The following IL22RA1 variants were observed in gnomAD, a reference collection of about 807,000 sequenced individuals.
IL22RA1 encodes the protein interleukin-22 receptor subunit alpha-1.
A neutral mutation model predicts 32.8 loss-of-function variants in IL22RA1; 25 were observed. That is an observed-to-expected ratio of 0.76 (90% CI 0.55 to 1.06). IL22RA1 has a LOEUF of 1.06. Among genes scored for constraint, IL22RA1 ranks in the 50% least tolerant of loss-of-function variants. The pLI is 0.00. For missense variants in IL22RA1, 709 were observed against 727.4 expected (o/e 0.97, Z 0.29); for synonymous variants, 305 against 305.0 (o/e 1.00, Z 0.00).
At chr1:24,126,761 C>G (rs1469747120) in intron 5 of IL22RA1, among the ~76,000 whole-genome samples, 1 of 152,164 alleles carries the variant, frequency 6.6e-6, no homozygotes, top group Non-Finnish European at 1.5e-5. Context: ...CTGAGCAATA[C>G]AACGTTTCCC....
intron 6 of IL22RA1, among the ~76,000 whole-genome samples, chr1:24,122,069 G>A (rs575218529): frequency 2.0e-5 from 3 of 152,136 alleles, no homozygotes; most frequent in African/African-American, 7.2e-5. Flanking sequence ...GTGGTGGCCC[G>A]CATTGTTGCT....
chr1:24,143,000 G>A, intron 1 of IL22RA1, 40 bp downstream of exon 1: 19 of 1,594,050 alleles, frequency 1.2e-5, no homozygotes, highest in Non-Finnish European at 1.5e-5. Flanking sequence ...TTGGCCCCTG[G>A]GATAAGGGAG....
chr1:24,125,555 T>C (rs1644155351), intron 5 of IL22RA1, among the ~76,000 whole-genome samples: 1 of 151,998 alleles, frequency 6.6e-6, no homozygotes, highest in South Asian at 2.1e-4. Context: ...GAAATGGAAG[T>C]AGGAGGAAGA....
At position 24,121,113 on chromosome 1, in the gene IL22RA1, C is replaced by T; in HGVS notation, c.1417G>A (p.Asp473Asn). The T allele has an allele frequency of 6.2e-7, 1 of 1,614,180 alleles. No individual in the cohort carries two copies. The highest frequency in any genetic ancestry group is 8.5e-7 in the Non-Finnish European group (1 of 1,180,026). Residue 473 changes from aspartate to asparagine, a missense_variant, in exon 7 of 7, where the codon GAC becomes AAC. Transcript: ENST00000270800. ...AGCACATTTGGGTCAGATGTTCTGT[C>T]TGTGCAAATCCCCAGGGGCTGGTGC... ...SLHQPLGICT[D>N]RTSDPNVLHS...
intron 5 of IL22RA1, 98 bp downstream of exon 5, chr1:24,128,043 G>C: frequency 8.1e-7 from 1 of 1,240,320 alleles, no homozygotes; most frequent in Non-Finnish European, 1.1e-6. Flanking sequence ...TGGTTTTCTA[G>C]AGTGTTGCCA....
In IL22RA1 at chr1:24,120,991, C is replaced by T; in HGVS notation, c.1539G>A (p.Leu513=). The change falls in exon 7 of 7, where the codon TTG becomes TTA. Residue 513 remains leucine (L), a synonymous_variant. Coordinates refer to ENST00000270800, the MANE Select transcript of IL22RA1 (RefSeq NM_021258.4). ...QIEGHPMSLP[L]QPPSRPCSPS... is the part of the protein sequence containing the mutation. ...GGGAACATGGACGGGAAGGAGGTTG[C>T]AAAGGGAGGGACATGGGGTGGCCCT... 4 of 1,614,072 alleles carry T rather than the reference C, an allele frequency of 2.5e-6. No homozygotes were observed. The highest frequency in any genetic ancestry group is 3.4e-6 in the Non-Finnish European group (4 of 1,179,956).
chr1:24,121,490 G>C lies in IL22RA1; in HGVS notation c.1040C>G (p.Ser347Cys). The change falls in exon 7 of 7, where the codon TCC becomes TGC. Residue 347 changes from serine (S) to cysteine (C), a missense_variant. Physicochemically the swap from Ser to Cys is moderately radical, Grantham distance 112. Transcript: ENST00000270800. ...PSNVPPPQIL[S>C]PLSYAPNAAP... is the part of the protein sequence containing the mutation. ...AGCGTTTGGGGCATAGGACAGTGGG[G>C]AGAGGATCTGGGGAGGTGGCACGTT... 6.4e-7 allele frequency: 1 copy of C among 1,569,936 alleles called. No individual in the cohort carries two copies.
chr1:24,137,778 A>C (rs2148575397), intron 2 of IL22RA1, among the ~76,000 whole-genome samples: 1 of 152,200 alleles, frequency 6.6e-6, no homozygotes, highest in South Asian at 2.1e-4. Flanking sequence ...CAGCCTCTGA[A>C]AGTGCTGAGA....
chr1:24,128,489 C>G (rs947759244), intron 4 of IL22RA1, among the ~76,000 whole-genome samples: 1 of 151,482 alleles, frequency 6.6e-6, no homozygotes, highest in East Asian at 1.9e-4. Context: ...GTGTCTGGCC[C>G]ATAGGCAGTG....
At position 24,121,714 on chromosome 1, in the gene IL22RA1, G is replaced by A. The variant is rs766176293; in HGVS notation, c.816C>T (p.Phe272=). The change falls in exon 7 of 7, where the codon TTC becomes TTT. Residue 272 remains phenylalanine (F), a synonymous_variant. Transcript: ENST00000270800. ...NSLNVQRVLT[F]QPLRFIQEHV... ...GCTCCTGGATGAAGCGCAGCGGCTG[G>A]AAAGTCAGGACTCGCTGGACGTTCT... 2.6e-6 allele frequency: 4 copies of A among 1,554,498 alleles called. No individual in the cohort carries two copies. The South Asian group carries it at 4.9e-5, about 19-fold the overall frequency.
At chr1:24,140,460 C>T (rs1327481699) in intron 1 of IL22RA1, among the ~76,000 whole-genome samples, 1 of 151,984 alleles carries the variant, frequency 6.6e-6, no homozygotes, top group Non-Finnish European at 1.5e-5. Flanking sequence ...ACCTGAGCAC[C>T]TGATAAAGGG....
rs1570898516 is a variant in IL22RA1 at position 24,120,644 on chromosome 1, C to A, written c.*161G>T. 1.5e-6 allele frequency: 1 copy of A among 674,378 alleles called. No homozygotes were observed. Among genetic ancestry groups the A allele is most frequent in the Admixed American group, 3.0e-5 (1 of 33,892 alleles). 41.8% of individuals were successfully genotyped at this position (674,378 alleles called of 1,614,324 possible). A position where few individuals can be genotyped will look rare whatever the true frequency, so the allele number is the denominator to read the frequency against. ...TGCTTTGCTCCGGTGAGGAGCGCAC[C>A]CATGGCAGGGGCCCTGCATGCCACT... On this transcript the variant is annotated 3_prime_UTR_variant, in exon 7 of 7. Transcript: ENST00000270800.
At chr1:24,130,714 AT>A (rs1644198411) in intron 4 of IL22RA1, among the ~76,000 whole-genome samples, 1 of 152,158 alleles carries the variant, frequency 6.6e-6, no homozygotes, top group African/African-American at 2.4e-5. Context: ...CAATGATTTT[AT>A]TTTATTTGAG....
At chr1:24,133,145 C>T (rs1208286665) in intron 4 of IL22RA1, among the ~76,000 whole-genome samples, 2 of 150,988 alleles carry the variant, frequency 1.3e-5, no homozygotes, top group African/African-American at 4.9e-5. Context: ...ATTTCTGTGG[C>T]ATGCCAGGTA....
At chr1:24,140,342 T>A (rs1404653893) in intron 1 of IL22RA1, among the ~76,000 whole-genome samples, 1 of 152,146 alleles carries the variant, frequency 6.6e-6, no homozygotes, top group Non-Finnish European at 1.5e-5. Context: ...GGCCCCTATG[T>A]ACATGTGTTG....
intron 1 of IL22RA1, among the ~76,000 whole-genome samples, chr1:24,141,194 C>G (rs374293791): frequency 6.6e-6 from 1 of 152,168 alleles, no homozygotes; most frequent in South Asian, 2.1e-4. Context: ...GACGGCTGTG[C>G]CGTGGAGCCT....
At chr1:24,123,615 T>C in intron 5 of IL22RA1, 192 bp from the exon 6 acceptor site, 1 of 1,281,694 alleles carries the variant, frequency 7.8e-7, no homozygotes, top group Non-Finnish European at 1.0e-6. Flanking sequence ...ATTTACAAAT[T>C]ATATTTTTAC....
At chr1:24,141,541 T>C (rs528492497) in intron 1 of IL22RA1, among the ~76,000 whole-genome samples, 3 of 152,288 alleles carry the variant, frequency 2.0e-5, no homozygotes, top group African/African-American at 7.2e-5. Context: ...CAAAGGACCC[T>C]GGGCTACGTG....
At chr1:24,135,782 C>T (rs1027931417) in intron 3 of IL22RA1, among the ~76,000 whole-genome samples, 2 of 152,154 alleles carry the variant, frequency 1.3e-5, no homozygotes, top group African/African-American at 2.4e-5. Flanking sequence ...CAAGAACGTA[C>T]CCACTATCAT....
Sources: gnomAD v4.1 joint callset for allele counts (sites outside exome capture counted in the v4.1 genomes callset) on GRCh38, gnomAD v4.1.1 for gene constraint, MANE v1.5 for transcripts, NCBI Gene and HGNC (gene_info 2026-07-23, HGNC 2026-07-21) for gene names.